Variants in GRHPR observed in about 807,000 individuals in gnomAD.
GRHPR encodes glyoxylate reductase/hydroxypyruvate reductase.
Under a neutral mutation model 36.8 loss-of-function variants are expected in GRHPR, and 35 were observed. The observed-to-expected ratio is 0.95, with a 90% CI of 0.73 to 1.26. GRHPR has a LOEUF of 1.26. GRHPR is among the 50% of genes most tolerant of loss of function. GRHPR has a pLI of 0.00. For missense variants in GRHPR, 380 were observed against 435.0 expected (o/e 0.87, Z 1.12); for synonymous variants, 179 against 181.0 (o/e 0.99, Z 0.09).
At chr9:37,434,228 A>G (rs1823523215) in intron 8 of GRHPR, 4 of 402,884 alleles carry the variant, frequency 9.9e-6, no homozygotes, top group Non-Finnish European at 1.8e-5. Flanking sequence ...TGATGTAAAA[A>G]GACCATGCAG....
intron 8 of GRHPR, chr9:37,434,268 G>A (rs745616352): frequency 2.3e-6 from 1 of 428,212 alleles, no homozygotes; most frequent in South Asian, 9.8e-5. Flanking sequence ...TGACCCCAGT[G>A]ATCCCTATGG....
In GRHPR at chr9:37,422,755, G is replaced by C; in HGVS notation, c.5G>C (p.Arg2Thr). The C allele has an allele frequency of 1.3e-6, 2 of 1,585,152 alleles. No individual in the cohort carries two copies. The highest frequency in any genetic ancestry group is 1.7e-6 in the Non-Finnish European group (2 of 1,167,326). The change falls in exon 1 of 9, where the codon AGA (arginine) becomes ACA (threonine). Residue 2 changes from arginine to threonine, a missense_variant. Coordinates refer to ENST00000318158, the MANE Select transcript of GRHPR (RefSeq NM_012203.2). M[R>T]PVRLMKVFVT... The stretch of plus-strand genomic sequence containing the variant: ...GGGTCGGCGGCTGCACTGCGGATGA[G>C]ACCGGTGCGACTCATGAAGGTGTTC...
At chr9:37,433,152 C>T (rs1823450890) in intron 8 of GRHPR, among the ~76,000 whole-genome samples, 3 of 152,168 alleles carry the variant, frequency 2.0e-5, no homozygotes, top group East Asian at 1.9e-4. Flanking sequence ...CCCGTGCCAC[C>T]GAAGTCTGAG....
At chr9:37,430,838 AGT>A in intron 7 of GRHPR, 192 bp downstream of exon 7, 1 of 690,290 alleles carries the variant, frequency 1.4e-6, no homozygotes, top group South Asian at 1.5e-5. Context: ...GAGCCGTCAG[AGT>A]GGGCCTGGCC....
intron 7 of GRHPR, chr9:37,430,999 G>C (rs547067965): frequency 2.3e-5 from 11 of 486,194 alleles, no homozygotes; most frequent in Non-Finnish European, 3.8e-5. Context: ...TCTGGAGGCC[G>C]CCTCCCACAC....
At chr9:37,426,882 C>G (rs552898953) in intron 4 of GRHPR, among the ~76,000 whole-genome samples, 1 of 151,642 alleles carries the variant, frequency 6.6e-6, no homozygotes, top group East Asian at 1.9e-4. Context: ...ACCCAGGAGA[C>G]AGAGGTTGCA....
intron 1 of GRHPR, 75 bp downstream of exon 1, chr9:37,422,908 C>A: frequency 1.8e-6 from 2 of 1,093,976 alleles, no homozygotes; most frequent in South Asian, 1.4e-5. Flanking sequence ...GGCGTTTGGG[C>A]CTTGTGGCCG....
chr9:37,432,744 G>A (rs1159802830), intron 8 of GRHPR: 1 of 156,708 alleles, frequency 6.4e-6, no homozygotes, highest in African/African-American at 2.4e-5. Flanking sequence ...AGTGACTCGT[G>A]TAAAACCTGT....
At chr9:37,434,535 A>G in intron 8 of GRHPR, 1 of 377,292 alleles carries the variant, frequency 2.7e-6, no homozygotes, top group Non-Finnish European at 5.1e-6. Flanking sequence ...ATGTAGAAGT[A>G]GCAGCTCCCA....
In GRHPR at chr9:37,422,861, G is replaced by A. The variant is rs376159997; in HGVS notation, c.83+28G>A. ...AAGAGCCTCGCGCGCCGTGGAGGAGGGAGCAGGGCGGTCCCAGGGACCGGA... is the reference window on the plus strand; with the variant it reads ...AAGAGCCTCGCGCGCCGTGGAGGAGAGAGCAGGGCGGTCCCAGGGACCGGA... On this transcript the variant is annotated intron_variant, in intron 1 of 8. Coordinates refer to ENST00000318158, the MANE Select transcript of GRHPR (RefSeq NM_012203.2). The A allele has an allele frequency of 2.0e-6, 3 of 1,513,918 alleles. No homozygotes were observed. The African/African-American group carries it at 4.1e-5, about 21-fold the overall frequency. The allele number at this position is 1,513,918 out of a possible 1,614,324, so 93.8% of individuals were successfully genotyped here.
intron 5 of GRHPR, chr9:37,429,108 G>A (rs1314242543): frequency 3.5e-6 from 1 of 289,232 alleles, no homozygotes; most frequent in Non-Finnish European, 6.8e-6. Context: ...CTGTCATCCT[G>A]CCTGGTGCAG....
chr9:37,435,941 G>A (rs577000434), intron 8 of GRHPR, among the ~76,000 whole-genome samples: 27 of 152,240 alleles, frequency 1.8e-4, no homozygotes, highest in Non-Finnish European at 3.4e-4. Flanking sequence ...CCCAGCTGAC[G>A]GTTCTTTGGG....
At chr9:37,430,074 C>T in intron 6 of GRHPR, 1 of 580,004 alleles carries the variant, frequency 1.7e-6, no homozygotes, top group South Asian at 2.0e-5. Flanking sequence ...CTTTCAGAGT[C>T]CTTTGTTACC....
At chr9:37,424,702 C>A (rs1822990978) in intron 1 of GRHPR, 143 bp from the exon 2 acceptor site, 1 of 913,030 alleles carries the variant, frequency 1.1e-6, no homozygotes, top group African/African-American at 1.6e-5. Flanking sequence ...AGTTCTGAGA[C>A]CACCCCTGCC....
chr9:37,433,749 C>T (rs141790021), intron 8 of GRHPR: 46 of 238,564 alleles, frequency 1.9e-4, no homozygotes, highest in African/African-American at 9.0e-4. Context: ...CAACTTGATG[C>T]GTAGTTAATG....
chr9:37,428,431 C>G (rs1369071488), intron 4 of GRHPR, 53 bp from the exon 5 acceptor site: 1 of 1,174,668 alleles, frequency 8.5e-7, no homozygotes, highest in African/African-American at 1.5e-5. Flanking sequence ...TCTCAGCGGC[C>G]CCCATCTTGG....
intron 7 of GRHPR, 96 bp from the exon 8 acceptor site, chr9:37,431,912 G>T (rs1449228860): frequency 1.5e-6 from 2 of 1,347,032 alleles, no homozygotes; most frequent in Admixed American, 3.4e-5. Context: ...TCAGTGCCAA[G>T]TGAGTGGAAA....
At chr9:37,439,289 T>G (rs1189812437), downstream of GRHPR, 1 of 152,180 alleles carries the variant, frequency 6.6e-6, no homozygotes, top group Non-Finnish European at 1.5e-5. Context: ...CCTCCAACAG[T>G]CTCAGATGCT....
chr9:37,429,162 A>G, intron 5 of GRHPR: 1 of 253,396 alleles, frequency 3.9e-6, no homozygotes, highest in Non-Finnish European at 7.8e-6. Context: ...TGTCTAGCCA[A>G]CGAACAGCCC....
Sources: allele counts gnomAD v4.1 joint callset (sites outside exome capture counted in the v4.1 genomes callset), GRCh38; gene constraint gnomAD v4.1.1; transcripts MANE v1.5; gene names NCBI Gene and HGNC (gene_info 2026-07-23, HGNC 2026-07-21).